The following DOCK3 variants were observed in gnomAD, a reference collection of about 807,000 sequenced individuals.
DOCK3 encodes the protein dedicator of cytokinesis 3, also known as dedicator of cytokinesis protein 3.
A neutral mutation model predicts 265.6 loss-of-function variants in DOCK3; 60 were observed. The observed-to-expected ratio is 0.23, with a 90% confidence interval of 0.18 to 0.28. DOCK3 has a LOEUF of 0.28. DOCK3 is among the 10% of genes least tolerant of loss of function. The probability of loss-of-function intolerance (pLI) is 1.00; values close to 1 mark genes in which losing one functional copy is unlikely to be tolerated. For synonymous variants in DOCK3, 881 were observed against 938.0 expected (o/e 0.94, Z 1.11); for missense variants, 1,981 against 2,594.3 (o/e 0.76, Z 5.14).
At chr3:50,804,539 C>G (rs1276770979) in intron 2 of DOCK3, among the ~76,000 whole-genome samples, 1 of 152,152 alleles carries the variant, frequency 6.6e-6, no homozygotes, top group Non-Finnish European at 1.5e-5. Flanking sequence ...GAGCTGGAGA[C>G]CAGCCCGGCT....
intron 4 of DOCK3, among the ~76,000 whole-genome samples, chr3:50,897,411 A>G (rs559339038): frequency 2.6e-5 from 4 of 152,320 alleles, no homozygotes; most frequent in Admixed American, 6.5e-5. Context: ...TAAATATACA[A>G]TCATGTCATC....
At chr3:50,751,728 G>GGT (rs1559592210) in intron 1 of DOCK3, among the ~76,000 whole-genome samples, 1 of 152,090 alleles carries the variant, frequency 6.6e-6, no homozygotes, top group East Asian at 1.9e-4. Context: ...CCTGAGACCA[G>GGT]GTAATTTATA....
intron 5 of DOCK3, among the ~76,000 whole-genome samples, chr3:51,002,816 A>G (rs974947127): frequency 3.9e-5 from 6 of 152,166 alleles, no homozygotes; most frequent in African/African-American, 1.4e-4. Flanking sequence ...TCTTAGACAA[A>G]TTACATTTCC....
chr3:51,291,685 A>G (rs558949659), intron 27 of DOCK3, among the ~76,000 whole-genome samples: 13 of 152,196 alleles, frequency 8.5e-5, no homozygotes, highest in Non-Finnish European at 1.6e-4. Context: ...ACAAACTAAT[A>G]ATAATCCTTC....
chr3:51,089,346 A>G, intron 8 of DOCK3, 62 bp downstream of exon 8: 3 of 1,532,420 alleles, frequency 2.0e-6, no homozygotes, highest in Non-Finnish European at 2.7e-6. Context: ...AGAGATTACA[A>G]CATATGAATA....
At chr3:50,846,724 TCAATCTTGGGATC>T (rs2046102651) in intron 3 of DOCK3, among the ~76,000 whole-genome samples, 1 of 152,186 alleles carries the variant, frequency 6.6e-6, no homozygotes, top group Admixed American at 6.5e-5. Flanking sequence ...TCTTCCTGAT[TCAATCTTGGGATC>T]TTGTGTGTTT....
At chr3:50,737,602 T>A (rs1428616374) in intron 1 of DOCK3, among the ~76,000 whole-genome samples, 1 of 152,214 alleles carries the variant, frequency 6.6e-6, no homozygotes, top group East Asian at 1.9e-4. Context: ...TTTTTTTCAG[T>A]TCATTTCATT....
At chr3:50,880,927 C>A (rs1247710885) in intron 3 of DOCK3, among the ~76,000 whole-genome samples, 1 of 152,178 alleles carries the variant, frequency 6.6e-6, no homozygotes, top group Admixed American at 6.5e-5. Flanking sequence ...AGCTTATCCA[C>A]CATGATCAAG....
intron 9 of DOCK3, among the ~76,000 whole-genome samples, chr3:51,097,263 C>T (rs569846884): frequency 6.6e-6 from 1 of 152,286 alleles, no homozygotes; most frequent in South Asian, 2.1e-4. Context: ...TTCTGTAAGG[C>T]CCTGACTGGG....
At chr3:51,106,430 G>A (rs1338777902) in intron 9 of DOCK3, among the ~76,000 whole-genome samples, 6 of 152,134 alleles carry the variant, frequency 3.9e-5, no homozygotes, top group African/African-American at 1.2e-4. Flanking sequence ...CTGCACACAC[G>A]TCACCATGGC....
chr3:51,214,068 T>C, intron 13 of DOCK3, 54 bp from the exon 14 acceptor site: 1 of 1,609,100 alleles, frequency 6.2e-7, no homozygotes, highest in East Asian at 2.2e-5. Flanking sequence ...TCTTTTCAAG[T>C]ACTATATAAC....
chr3:50,867,589 G>A (rs1220553913), intron 3 of DOCK3, among the ~76,000 whole-genome samples: 2 of 139,382 alleles, frequency 1.4e-5, no homozygotes, highest in East Asian at 2.1e-4. Context: ...ATGTTGAGGT[G>A]TGTTCCTAGT....
intron 15 of DOCK3, among the ~76,000 whole-genome samples, 183 bp from the exon 16 acceptor site, chr3:51,227,100 T>C (rs1289725159): frequency 1.3e-5 from 2 of 152,244 alleles, no homozygotes; most frequent in Non-Finnish European, 2.9e-5. Context: ...TGATTTCATA[T>C]ACCATCTATG....
intron 12 of DOCK3, among the ~76,000 whole-genome samples, chr3:51,198,848 G>A (rs1424677738): frequency 6.6e-6 from 1 of 152,122 alleles, no homozygotes; most frequent in African/African-American, 2.4e-5. Context: ...GGACAACATG[G>A]TGAAAGCCTG....
intron 5 of DOCK3, among the ~76,000 whole-genome samples, chr3:50,955,578 C>T (rs72937299): frequency 0.089 from 13,540 of 152,036 alleles, 1,227 homozygotes; most frequent in East Asian, 0.33. Flanking sequence ...CAAACTGATG[C>T]GGGGACAGAA....
chr3:51,195,063 G>A (rs578033654), intron 12 of DOCK3, among the ~76,000 whole-genome samples: 2 of 152,112 alleles, frequency 1.3e-5, no homozygotes, highest in South Asian at 4.1e-4. Context: ...TTGACCTCAT[G>A]ATCCGCCCAC....
chr3:51,258,740 C>A (rs2079687815), intron 22 of DOCK3, among the ~76,000 whole-genome samples: 1 of 152,120 alleles, frequency 6.6e-6, no homozygotes, highest in Admixed American at 6.5e-5. Context: ...TGACCTTGTC[C>A]CTCTTTTGTC....
At chr3:51,038,199 G>T (rs1454340283) in intron 5 of DOCK3, among the ~76,000 whole-genome samples, 1 of 152,106 alleles carries the variant, frequency 6.6e-6, no homozygotes, top group Non-Finnish European at 1.5e-5. Flanking sequence ...TCCATTTTTA[G>T]GGCACATCTC....
At chr3:50,846,939 A>C (rs932228612) in intron 3 of DOCK3, among the ~76,000 whole-genome samples, 2 of 151,980 alleles carry the variant, frequency 1.3e-5, no homozygotes, top group Non-Finnish European at 2.9e-5. Context: ...GCAGTCCATC[A>C]ATCTTGTTGA....
Sources: allele counts gnomAD v4.1 joint callset (sites outside exome capture counted in the v4.1 genomes callset), GRCh38; gene constraint gnomAD v4.1.1; transcripts MANE v1.5; gene names NCBI Gene and HGNC (gene_info 2026-07-23, HGNC 2026-07-21).